Variants in DRC8 observed in about 807,000 individuals in gnomAD.
DRC8 encodes dynein regulatory complex subunit 8.
the DRC8 span, among the ~76,000 whole-genome samples, chr1:245,045,088 C>T: frequency 6.6e-6 from 1 of 152,198 alleles, no homozygotes; most frequent in Non-Finnish European, 1.5e-5. Context: ...GAGCTCACTG[C>T]AGCTTCAACC....
chr1:244,999,294 A>G, the DRC8 span, among the ~76,000 whole-genome samples: 2 of 150,348 alleles, frequency 1.3e-5, no homozygotes, highest in Non-Finnish European at 3.0e-5. Flanking sequence ...CTTGCTTCTT[A>G]TTTCAAAAAT....
the DRC8 span, among the ~76,000 whole-genome samples, chr1:245,084,802 A>G: frequency 2.0e-5 from 3 of 152,222 alleles, no homozygotes; most frequent in African/African-American, 7.2e-5. Flanking sequence ...TACACGCACA[A>G]CTGGTTTGAC....
At chr1:245,019,592 T>C in the DRC8 span, among the ~76,000 whole-genome samples, 4 of 151,994 alleles carry the variant, frequency 2.6e-5, no homozygotes, top group South Asian at 8.3e-4. Context: ...AGGCTGGTCT[T>C]GAACTCCTGG....
At chr1:245,049,035 G>T in the DRC8 span, among the ~76,000 whole-genome samples, 3 of 151,010 alleles carry the variant, frequency 2.0e-5, no homozygotes, top group Non-Finnish European at 2.9e-5. The surrounding 1 kb of genome is among the most constrained non-coding windows in gnomAD (Gnocchi z 4.5). Context: ...ACCCAGATGG[G>T]AGTGCAGTAG....
chr1:244,970,644 C>CCGCCCCGCCCCGCCCCGCCT, the DRC8 span: 2 of 60,476 alleles, frequency 3.3e-5, no homozygotes. Context: ...CCGCTCCGCC[C>CCGCCCCGCCCCGCCCCGCCT]CGCCCCGCCC....
the DRC8 span, among the ~76,000 whole-genome samples, chr1:245,112,437 T>A: frequency 1.3e-5 from 2 of 152,220 alleles, no homozygotes; most frequent in East Asian, 1.9e-4. Flanking sequence ...CCTTTAAGAT[T>A]ATTGGAGCTT....
At chr1:245,029,158 A>G in the DRC8 span, among the ~76,000 whole-genome samples, 2 of 152,236 alleles carry the variant, frequency 1.3e-5, no homozygotes, top group Non-Finnish European at 2.9e-5. Flanking sequence ...ATGGGAGTTA[A>G]TAGGAATGGC....
At chr1:245,015,869 C>T in the DRC8 span, 93,951 of 157,750 alleles carry the variant, frequency 0.6, 28,404 homozygotes, top group East Asian at 0.75. Context: ...CCAAAGTGAT[C>T]AGCAGACCGC....
the DRC8 span, among the ~76,000 whole-genome samples, chr1:245,037,063 C>G: frequency 6.6e-6 from 1 of 152,186 alleles, no homozygotes; most frequent in Admixed American, 6.5e-5. Context: ...TCAGAGTTCT[C>G]TCACCAAAAG....
At chr1:244,995,217 C>T in the DRC8 span, among the ~76,000 whole-genome samples, 4 of 151,976 alleles carry the variant, frequency 2.6e-5, no homozygotes, top group Non-Finnish European at 4.4e-5. Context: ...AAAAATTAGC[C>T]GGGCGTGGTG....
the DRC8 span, chr1:245,083,331 G>A: frequency 1.7e-5 from 16 of 932,590 alleles, 1 homozygote; most frequent in Non-Finnish European, 2.7e-5. Flanking sequence ...TGGAAGAATT[G>A]TCTTCCATGA....
At chr1:244,996,877 C>T in the DRC8 span, among the ~76,000 whole-genome samples, 91 of 152,236 alleles carry the variant, frequency 6.0e-4, no homozygotes, top group Admixed American at 1.8e-3. Context: ...TGGCATGTGG[C>T]GGGGATAGGC....
At chr1:244,981,072 A>T in the DRC8 span, among the ~76,000 whole-genome samples, 1 of 152,072 alleles carries the variant, frequency 6.6e-6, no homozygotes, top group Admixed American at 6.6e-5. Context: ...AATCCCAGCT[A>T]CTTGAGAGGC....
the DRC8 span, among the ~76,000 whole-genome samples, chr1:245,029,332 C>T: frequency 6.6e-6 from 1 of 152,234 alleles, no homozygotes. Flanking sequence ...GAGCCTCACT[C>T]TGTCACCCAG....
the DRC8 span, among the ~76,000 whole-genome samples, chr1:245,002,443 A>G: frequency 5.1e-4 from 78 of 152,308 alleles, no homozygotes; most frequent in African/African-American, 1.8e-3. Context: ...ACTTGAGCCT[A>G]TCCCCACCTT....
At chr1:245,046,771 G>A in the DRC8 span, among the ~76,000 whole-genome samples, 1 of 152,272 alleles carries the variant, frequency 6.6e-6, no homozygotes, top group South Asian at 2.1e-4. Context: ...ACATTTGAGA[G>A]GAAAGGGCGA....
the DRC8 span, among the ~76,000 whole-genome samples, chr1:244,989,337 C>T: frequency 6.6e-6 from 1 of 152,210 alleles, no homozygotes; most frequent in Non-Finnish European, 1.5e-5. Flanking sequence ...CACCAGGTTA[C>T]CATTTAGTTG....
chr1:245,017,761 T>C, the DRC8 span, among the ~76,000 whole-genome samples: 57 of 151,844 alleles, frequency 3.8e-4, no homozygotes, highest in African/African-American at 1.3e-3. Flanking sequence ...CCCTGTAAAA[T>C]AGCAAAAAGA....
the DRC8 span, chr1:245,043,863 T>C: frequency 6.6e-6 from 1 of 151,374 alleles, no homozygotes; most frequent in Non-Finnish European, 1.5e-5. Context: ...CTGCAAACTA[T>C]TGTTAAAGCT....
Sources: gnomAD v4.1 joint callset for allele counts (sites outside exome capture counted in the v4.1 genomes callset) on GRCh38, gnomAD v4.1.1 for gene constraint, Gnocchi (gnomAD v3.1) non-coding constraint, MANE v1.5 for transcripts, NCBI Gene and HGNC (gene_info 2026-07-23, HGNC 2026-07-21) for gene names.